The following NCOA2 variants were observed in gnomAD, a reference collection of about 807,000 sequenced individuals.
NCOA2 encodes the protein class E basic helix-loop-helix protein 75.
A neutral mutation model predicts 145.1 loss-of-function variants in NCOA2; 21 were observed. The ratio of observed to expected loss-of-function variants is 0.14; its 90% CI spans 0.10 to 0.21. The LOEUF is 0.21. NCOA2 is among the 10% of genes least tolerant of loss of function. The pLI is 1.00. For missense variants in NCOA2, 1,472 were observed against 1,837.6 expected (o/e 0.80, Z 3.64); for synonymous variants, 619 against 637.5 (o/e 0.97, Z 0.44).
At chr8:70,321,281 C>T (rs977317447) in intron 1 of NCOA2, among the ~76,000 whole-genome samples, 2 of 151,916 alleles carry the variant, frequency 1.3e-5, no homozygotes, top group African/African-American at 2.4e-5. Context: ...TGTTAATTAG[C>T]TTGATTTAAT....
At chr8:70,274,029 G>A (rs543152080) in intron 2 of NCOA2, among the ~76,000 whole-genome samples, 2 of 152,092 alleles carry the variant, frequency 1.3e-5, no homozygotes, top group East Asian at 1.9e-4. Flanking sequence ...TTGCTTATAC[G>A]CAATTCATTC....
intron 1 of NCOA2, among the ~76,000 whole-genome samples, chr8:70,378,730 T>A (rs1408791756): frequency 6.9e-6 from 1 of 144,494 alleles, no homozygotes; most frequent in Non-Finnish European, 1.5e-5. Flanking sequence ...GTCCCTGCAC[T>A]TGTAGGCTAT....
chr8:70,132,218 T>C (rs548736649), intron 15 of NCOA2, among the ~76,000 whole-genome samples: 3 of 152,264 alleles, frequency 2.0e-5, no homozygotes, highest in Non-Finnish European at 4.4e-5. Context: ...ACATTTAAGG[T>C]ATGATTTTTA....
chr8:70,223,054 C>T (rs1820300096), intron 2 of NCOA2, among the ~76,000 whole-genome samples: 2 of 152,130 alleles, frequency 1.3e-5, no homozygotes, highest in Admixed American at 1.3e-4. Flanking sequence ...GATGAGAAAA[C>T]ATCGCAGGAA....
chr8:70,116,021 C>T (rs1807069396), intron 22 of NCOA2, among the ~76,000 whole-genome samples: 1 of 150,908 alleles, frequency 6.6e-6, no homozygotes, highest in African/African-American at 2.4e-5. Flanking sequence ...CCCGTCTCTA[C>T]TAAAAATACA....
At chr8:70,177,395 G>A (rs901698860) in intron 4 of NCOA2, among the ~76,000 whole-genome samples, 21 of 152,206 alleles carry the variant, frequency 1.4e-4, no homozygotes, top group Admixed American at 3.3e-4. Context: ...CAATAGCACC[G>A]TCCCTATTTC....
At chr8:70,195,564 T>C (rs1817207584) in intron 4 of NCOA2, among the ~76,000 whole-genome samples, 1 of 152,162 alleles carries the variant, frequency 6.6e-6, no homozygotes, top group Non-Finnish European at 1.5e-5. Context: ...CAATATAAAA[T>C]TTTCACTTAA....
At chr8:70,187,823 C>A (rs1228335926) in intron 4 of NCOA2, among the ~76,000 whole-genome samples, 1 of 152,142 alleles carries the variant, frequency 6.6e-6, no homozygotes, top group African/African-American at 2.4e-5. Context: ...AAATAAAATC[C>A]TCATAAAATT....
rs191804335 is a variant in NCOA2 at position 70,282,522 on chromosome 8, C to T, written c.-20+14222G>A. Among the ~76,000 whole-genome samples, 892 of 152,090 alleles carry T rather than the reference C, an allele frequency of 5.9e-3. 4 individuals are homozygous for T. Among genetic ancestry groups the T allele is most frequent in the African/African-American group, 0.02 (832 of 41,480 alleles). On this transcript the variant is annotated intron_variant, in intron 2 of 22. Transcript: ENST00000452400. ...TCAACATGGTGAAACCCCATCTCTA[C>T]CAAAAATACAAAAAAATTAGCCAGG...
intron 21 of NCOA2, among the ~76,000 whole-genome samples, chr8:70,122,971 G>A (rs1239288347): frequency 6.6e-6 from 1 of 152,138 alleles, no homozygotes; most frequent in Admixed American, 6.5e-5. Context: ...GTGAACTACT[G>A]AGGATCAGTG....
chr8:70,404,196 G>A (rs1814649552), upstream of NCOA2, among the ~76,000 whole-genome samples: 1 of 152,198 alleles, frequency 6.6e-6, no homozygotes, highest in African/African-American at 2.4e-5. Context: ...TGTGGTAGAG[G>A]GAGGGTGACC....
intron 11 of NCOA2, among the ~76,000 whole-genome samples, chr8:70,151,673 C>T (rs1233983462): frequency 1.3e-5 from 2 of 152,150 alleles, no homozygotes; most frequent in Non-Finnish European, 2.9e-5. Flanking sequence ...ACTATGAACA[C>T]TATTTGAATT....
chr8:70,115,983 G>A (rs917665856), intron 22 of NCOA2, among the ~76,000 whole-genome samples: 7 of 149,548 alleles, frequency 4.7e-5, no homozygotes, highest in South Asian at 4.2e-4. Flanking sequence ...TTAGGAGATC[G>A]AGACCATCCT....
At chr8:70,207,044 C>G (rs1190070271) in intron 4 of NCOA2, among the ~76,000 whole-genome samples, 1 of 152,046 alleles carries the variant, frequency 6.6e-6, no homozygotes, top group Non-Finnish European at 1.5e-5. Flanking sequence ...AGTGAAAGCT[C>G]CAAGAAAAAG....
chr8:70,338,103 GGA>G (rs1382072559), intron 1 of NCOA2, among the ~76,000 whole-genome samples: 1 of 151,414 alleles, frequency 6.6e-6, no homozygotes, highest in African/African-American at 2.4e-5. Flanking sequence ...CTCAATTGAA[GGA>G]GATAGAGACA....
At chr8:70,306,923 A>G (rs969365752) in intron 1 of NCOA2, among the ~76,000 whole-genome samples, 1 of 152,118 alleles carries the variant, frequency 6.6e-6, no homozygotes, top group Non-Finnish European at 1.5e-5. Flanking sequence ...GAAGTTAAGC[A>G]ATTTACTCAA....
intron 15 of NCOA2, among the ~76,000 whole-genome samples, chr8:70,132,628 G>GGCACA: frequency 6.6e-6 from 1 of 151,900 alleles, no homozygotes; most frequent in Non-Finnish European, 1.5e-5. Flanking sequence ...GCAGTGGTGT[G>GGCACA]ATCATGGCTC....
At chr8:70,302,652 A>T (rs1290482604) in intron 1 of NCOA2, among the ~76,000 whole-genome samples, 13 of 152,226 alleles carry the variant, frequency 8.5e-5, no homozygotes, top group African/African-American at 3.1e-4. Context: ...ATAAATTTTT[A>T]GGTTAATAAA....
chr8:70,407,157 T>C, upstream of NCOA2, among the ~76,000 whole-genome samples: 1 of 152,238 alleles, frequency 6.6e-6, no homozygotes, highest in South Asian at 2.1e-4. Flanking sequence ...TCTATTAAAA[T>C]GTAATCATAG....
Sources: allele counts gnomAD v4.1 joint callset (sites outside exome capture counted in the v4.1 genomes callset), GRCh38; gene constraint gnomAD v4.1.1; transcripts MANE v1.5; gene names NCBI Gene and HGNC (gene_info 2026-07-23, HGNC 2026-07-21).